Variants in SOX6 observed in about 807,000 individuals in gnomAD.
SOX6 encodes the protein transcription factor SOX-6.
Under a neutral mutation model 97.8 loss-of-function variants are expected in SOX6, and 11 were observed. That is an observed-to-expected ratio of 0.11 (90% CI 0.07 to 0.19). SOX6 has a LOEUF of 0.19. Ranked by LOEUF, SOX6 falls within the 10% of genes least tolerant of loss-of-function variation. The probability of loss-of-function intolerance (pLI) is 1.00; values close to 1 mark genes in which losing one functional copy is unlikely to be tolerated. For missense variants in SOX6, 810 were observed against 1,039.5 expected (o/e 0.78, Z 3.04); for synonymous variants, 360 against 371.4 (o/e 0.97, Z 0.35).
At chr11:16,527,976 T>A (rs950875406) in intron 4 of SOX6, among the ~76,000 whole-genome samples, 3 of 152,074 alleles carry the variant, frequency 2.0e-5, no homozygotes, top group Non-Finnish European at 4.4e-5. Flanking sequence ...AAATAAATAT[T>A]CATTTCTCAG....
chr11:16,592,056 T>C (rs1406720549), intron 4 of SOX6, among the ~76,000 whole-genome samples: 1 of 152,082 alleles, frequency 6.6e-6, no homozygotes, highest in Non-Finnish European at 1.5e-5. Context: ...TCTCTTTCTT[T>C]TCTATATCTA....
chr11:16,528,025 GTC>G (rs1340371198), intron 4 of SOX6, among the ~76,000 whole-genome samples: 2 of 152,024 alleles, frequency 1.3e-5, no homozygotes, highest in African/African-American at 4.8e-5. Context: ...CAGCTTCTGT[GTC>G]TCTGCTCAAG....
intron 6 of SOX6, among the ~76,000 whole-genome samples, chr11:16,132,310 GGAAGGAAGGAAGGAAGGAAGGAAAGAAA>G (rs1849773476): frequency 1.2e-4 from 13 of 111,202 alleles, no homozygotes; most frequent in Non-Finnish European, 2.2e-4. Flanking sequence ...AAGGAAGGAA[GGAAGGAAGGAAGGAAGGAAGGAAAGAAA>G]AAAGAAAGAA....
At chr11:16,139,252 T>C (rs1370821227) in intron 6 of SOX6, among the ~76,000 whole-genome samples, 1 of 152,192 alleles carries the variant, frequency 6.6e-6, no homozygotes, top group African/African-American at 2.4e-5. Flanking sequence ...TGAGACTATG[T>C]GAATGTATCG....
intron 4 of SOX6, among the ~76,000 whole-genome samples, chr11:16,554,677 C>T (rs887793062): frequency 1.3e-5 from 2 of 152,078 alleles, no homozygotes; most frequent in African/African-American, 4.8e-5. Context: ...AAATATGAAG[C>T]AGTCATAAAC....
chr11:16,252,776 G>A (rs535319881), intron 3 of SOX6, among the ~76,000 whole-genome samples: 1 of 152,132 alleles, frequency 6.6e-6, no homozygotes, highest in South Asian at 2.1e-4. Flanking sequence ...CCTTCCACTT[G>A]GGAGAAGGAA....
chr11:16,498,229 T>G (rs940890998), intron 4 of SOX6, among the ~76,000 whole-genome samples: 27 of 151,932 alleles, frequency 1.8e-4, no homozygotes, highest in African/African-American at 6.3e-4. Flanking sequence ...GCTTCATAAG[T>G]GAAGGAGAAT....
At chr11:16,409,848 C>T (rs1279872846) in intron 1 of SOX6, among the ~76,000 whole-genome samples, 1 of 150,586 alleles carries the variant, frequency 6.6e-6, no homozygotes, top group Non-Finnish European at 1.5e-5. Flanking sequence ...AAGCTTCAGG[C>T]TAATTTTCAA....
At chr11:16,733,782 T>C (rs1284105325) in intron 2 of SOX6, among the ~76,000 whole-genome samples, 1 of 149,644 alleles carries the variant, frequency 6.7e-6, no homozygotes, top group Admixed American at 6.6e-5. Flanking sequence ...ATCCCAGCAC[T>C]TTGGGAGGCC....
At chr11:16,160,399 G>C (rs1184106671) in intron 6 of SOX6, among the ~76,000 whole-genome samples, 1 of 152,168 alleles carries the variant, frequency 6.6e-6, no homozygotes, top group Non-Finnish European at 1.5e-5. Context: ...ACAGATGGAA[G>C]CTGTATGTTT....
At chr11:16,247,578 AAGG>A (rs1367123691) in intron 3 of SOX6, among the ~76,000 whole-genome samples, 2 of 152,140 alleles carry the variant, frequency 1.3e-5, no homozygotes, top group Non-Finnish European at 2.9e-5. Flanking sequence ...TGGTGATAGG[AAGG>A]AGAAGAATGA....
At chr11:16,689,933 T>C (rs529544018) in intron 3 of SOX6, among the ~76,000 whole-genome samples, 17 of 151,808 alleles carry the variant, frequency 1.1e-4, no homozygotes, top group African/African-American at 4.1e-4. Flanking sequence ...CCATGGCTTT[T>C]TTTTTTTTTT....
chr11:16,654,726 A>G (rs1383537388), intron 3 of SOX6, among the ~76,000 whole-genome samples: 1 of 152,204 alleles, frequency 6.6e-6, no homozygotes, highest in Non-Finnish European at 1.5e-5. Flanking sequence ...TTACTGTTTC[A>G]TTGTCTTCTA....
At chr11:16,272,112 A>G (rs1420398915) in intron 3 of SOX6, among the ~76,000 whole-genome samples, 3 of 151,492 alleles carry the variant, frequency 2.0e-5, no homozygotes, top group African/African-American at 7.2e-5. Flanking sequence ...AGTTTTTAGT[A>G]AAAATTTTTC....
chr11:16,203,433 T>G lies in SOX6; in HGVS notation c.536-16478A>C, dbSNP rs1305031430. Among the ~76,000 whole-genome samples, 9 of 152,300 alleles carry G rather than the reference T, an allele frequency of 5.9e-5. No individual in the cohort carries two copies. The East Asian group carries it at 1.7e-3, about 29-fold the overall frequency. On this transcript the variant is annotated intron_variant, in intron 4 of 15. Coordinates refer to ENST00000683767, the MANE Select transcript of SOX6 (RefSeq NM_001367873.1). The stretch of plus-strand genomic sequence containing the variant: ...GATTCATATTGCAAGTAAGAGTTTT[T>G]GGCCAATATATTTCTTGTAGGTAAT...
chr11:16,566,629 T>TA (rs1293267242), intron 4 of SOX6, among the ~76,000 whole-genome samples: 3 of 152,226 alleles, frequency 2.0e-5, no homozygotes, highest in Non-Finnish European at 4.4e-5. Context: ...GGCATCAAAA[T>TA]AGTATCTGAC....
intron 12 of SOX6, among the ~76,000 whole-genome samples, chr11:16,022,079 T>C (rs1306599438): frequency 4.6e-5 from 7 of 152,182 alleles, no homozygotes; most frequent in Admixed American, 3.3e-4. Flanking sequence ...TAAAATGGAA[T>C]AGACAATGCT....
At chr11:15,978,924 T>A (rs1300076153) in intron 15 of SOX6, among the ~76,000 whole-genome samples, 3 of 138,062 alleles carry the variant, frequency 2.2e-5, no homozygotes, top group Non-Finnish European at 4.7e-5. Flanking sequence ...GCATTATATA[T>A]TATATATTAT....
intron 1 of SOX6, among the ~76,000 whole-genome samples, chr11:16,441,535 C>T (rs1859502624): frequency 6.6e-6 from 1 of 152,122 alleles, no homozygotes; most frequent in African/African-American, 2.4e-5. Context: ...GCTTCAAATA[C>T]CAATTATCAA....
Sources: allele counts gnomAD v4.1 joint callset (sites outside exome capture counted in the v4.1 genomes callset), GRCh38; gene constraint gnomAD v4.1.1; transcripts MANE v1.5; gene names NCBI Gene and HGNC (gene_info 2026-07-23, HGNC 2026-07-21).